COL14A1: variants seen among roughly 807,000 people sequenced by gnomAD.
COL14A1 encodes the protein collagen type XIV alpha 1 chain, also known as collagen alpha-1(XIV) chain.
COL14A1 carries 136 observed loss-of-function variants against 230.3 expected under a neutral mutation model. The ratio of observed to expected loss-of-function variants is 0.59; its 90% CI spans 0.51 to 0.68. COL14A1 has a LOEUF of 0.68. COL14A1 is among the 30% of genes least tolerant of loss of function. The pLI, the probability that COL14A1 is intolerant of heterozygous loss-of-function variation, is 0.00. For missense variants in COL14A1, 1,976 were observed against 2,215.8 expected, an observed-to-expected ratio of 0.89 and a Z score of 2.17; for synonymous variants, 792 against 784.1, an observed-to-expected ratio of 1.01 and a Z score of -0.17.
chr8:120,246,673 A>G lies in COL14A1; in HGVS notation c.2480-940A>G, dbSNP rs1032715037. On this transcript the variant is annotated intron_variant, in intron 20 of 47. Coordinates refer to ENST00000297848, the MANE Select transcript of COL14A1 (RefSeq NM_021110.4). ...CATTACGTCTTAAAAATCTCTATAT[A>G]GTAAAATTATTTTGAAGTGTTAGTG... Among the ~76,000 whole-genome samples, 9 of 152,222 alleles carry G rather than the reference A, an allele frequency of 5.9e-5. No homozygotes were observed. In the South Asian group the frequency reaches 1.2e-3, roughly 21 times the overall value.
At chr8:120,225,271 A>T (rs1383787773) in intron 15 of COL14A1, 57 bp downstream of exon 15, 3 of 1,485,560 alleles carry the variant, frequency 2.0e-6, no homozygotes, top group Non-Finnish European at 2.7e-6. Context: ...ATATATAGAA[A>T]CCAGAACCTG....
chr8:120,255,456 C>T (rs1819114522), intron 23 of COL14A1, 100 bp downstream of exon 23: 1 of 930,196 alleles, frequency 1.1e-6, no homozygotes. Flanking sequence ...GACAACAGCC[C>T]TCTTGTCAAG....
intron 40 of COL14A1, among the ~76,000 whole-genome samples, chr8:120,329,954 G>T (rs965599943): frequency 6.6e-6 from 1 of 152,108 alleles, no homozygotes; most frequent in Admixed American, 6.5e-5. Context: ...AGTCATTTAG[G>T]AACTCAGGGT....
chr8:120,348,327 A>T (rs1315066470), intron 45 of COL14A1, among the ~76,000 whole-genome samples: 1 of 123,202 alleles, frequency 8.1e-6, no homozygotes. Flanking sequence ...ATATATATGT[A>T]TATGATTGAA....
intron 19 of COL14A1, among the ~76,000 whole-genome samples, chr8:120,241,316 A>G (rs989592690): frequency 1.3e-5 from 2 of 152,194 alleles, no homozygotes; most frequent in South Asian, 2.1e-4. Flanking sequence ...CTAGTCCTTC[A>G]CCACAAAGAG....
At chr8:120,191,779 G>T (rs1158105068) in intron 5 of COL14A1, among the ~76,000 whole-genome samples, 1 of 151,980 alleles carries the variant, frequency 6.6e-6, no homozygotes, top group African/African-American at 2.4e-5. Context: ...TTGTTGAATT[G>T]ATCCCTTTAC....
intron 1 of COL14A1, among the ~76,000 whole-genome samples, chr8:120,131,233 C>T (rs1036753256): frequency 6.6e-6 from 1 of 152,122 alleles, no homozygotes; most frequent in Non-Finnish European, 1.5e-5. Context: ...GCGTATATAT[C>T]CATTAGTGGG....
intron 1 of COL14A1, among the ~76,000 whole-genome samples, chr8:120,143,121 G>C (rs371469701): frequency 1.3e-5 from 2 of 152,048 alleles, no homozygotes; most frequent in Non-Finnish European, 2.9e-5. Flanking sequence ...CATCCCACTT[G>C]ATACAGTTTT....
At chr8:120,298,055 A>G (rs906241714) in intron 35 of COL14A1, among the ~76,000 whole-genome samples, 1 of 151,994 alleles carries the variant, frequency 6.6e-6, no homozygotes. Flanking sequence ...TATTGTTGGG[A>G]TGTGTGTGCT....
At chr8:120,138,821 TTTG>T (rs1484206943) in intron 1 of COL14A1, among the ~76,000 whole-genome samples, 6 of 152,288 alleles carry the variant, frequency 3.9e-5, no homozygotes, top group African/African-American at 9.6e-5. Context: ...GCCTATTTCT[TTTG>T]TTGTTGTTTT....
chr8:120,143,681 G>A (rs778896693), intron 1 of COL14A1, among the ~76,000 whole-genome samples: 2 of 151,930 alleles, frequency 1.3e-5, no homozygotes, highest in Non-Finnish European at 2.9e-5. Context: ...TAAACAATAT[G>A]GAGTATTTTT....
chr8:120,128,226 C>CGTGT (rs1191519762), intron 1 of COL14A1, among the ~76,000 whole-genome samples: 170 of 100,582 alleles, frequency 1.7e-3, no homozygotes, highest in African/African-American at 3.8e-3. Flanking sequence ...TGTGTGCGCG[C>CGTGT]GCGTGTGTGT....
At chr8:120,279,250 G>A (rs193006723) in intron 28 of COL14A1, among the ~76,000 whole-genome samples, 1 of 151,960 alleles carries the variant, frequency 6.6e-6, no homozygotes, top group East Asian at 1.9e-4. Context: ...AACCACCATG[G>A]CACACGTATA....
chr8:120,214,685 G>A (rs1366042792), intron 13 of COL14A1, among the ~76,000 whole-genome samples: 1 of 152,134 alleles, frequency 6.6e-6, no homozygotes, highest in African/African-American at 2.4e-5. Context: ...ATTGGGGATA[G>A]ATCTGGGAAC....
intron 44 of COL14A1, among the ~76,000 whole-genome samples, chr8:120,343,038 A>G (rs1338279975): frequency 2.0e-5 from 3 of 152,214 alleles, no homozygotes; most frequent in Admixed American, 1.3e-4. Flanking sequence ...TTACATCATA[A>G]CAAACTTGAT....
At chr8:120,277,987 A>T in intron 26 of COL14A1, 124 bp from the exon 27 acceptor site, 1 of 902,274 alleles carries the variant, frequency 1.1e-6, no homozygotes, top group Non-Finnish European at 1.6e-6. Context: ...AAGAAATTTT[A>T]ATCCAAGCAG....
chr8:120,370,807 CT>C, intron 47 of COL14A1: 1 of 1,378,822 alleles, frequency 7.3e-7, no homozygotes, highest in South Asian at 1.2e-5. Flanking sequence ...CCTCCCTGCT[CT>C]TCCCTGGTGA....
At chr8:120,260,121 C>G (rs977944057) in intron 23 of COL14A1, among the ~76,000 whole-genome samples, 1 of 152,000 alleles carries the variant, frequency 6.6e-6, no homozygotes, top group Non-Finnish European at 1.5e-5. Context: ...AATAAAAATT[C>G]TGTTATAAAG....
At chr8:120,138,258 G>C (rs1212933545) in intron 1 of COL14A1, among the ~76,000 whole-genome samples, 3 of 151,902 alleles carry the variant, frequency 2.0e-5, no homozygotes, top group Admixed American at 2.0e-4. Flanking sequence ...ATTAGTTTTT[G>C]CTTTATGTAT....
Sources: allele counts gnomAD v4.1 joint callset (sites outside exome capture counted in the v4.1 genomes callset), GRCh38; gene constraint gnomAD v4.1.1; transcripts MANE v1.5; gene names NCBI Gene and HGNC (gene_info 2026-07-23, HGNC 2026-07-21).